UBE2V1: variants seen among roughly 807,000 people sequenced by gnomAD.
UBE2V1 encodes ubiquitin conjugating enzyme E2 V1.
Under a neutral mutation model 19.6 loss-of-function variants are expected in UBE2V1, and 15 were observed. The observed-to-expected ratio is 0.77, with a 90% CI of 0.51 to 1.18. UBE2V1 has a LOEUF of 1.18. Ranked by LOEUF, UBE2V1 falls within the 50% of genes most tolerant of loss-of-function variation. The pLI is 0.00. For synonymous variants in UBE2V1, 60 were observed against 60.7 expected (o/e 0.99, Z 0.05); for missense variants, 125 against 184.8 (o/e 0.68, Z 1.88).
upstream of UBE2V1, chr20:50,115,651 C>G (rs1182888811): frequency 8.3e-6 from 11 of 1,319,654 alleles, no homozygotes; most frequent in South Asian, 1.2e-4. Context: ...TCCTAAAACC[C>G]CTTGGGCACA....
chr20:50,101,977 T>C (rs759964730), intron 1 of UBE2V1, among the ~76,000 whole-genome samples: 1 of 152,176 alleles, frequency 6.6e-6, no homozygotes, highest in Non-Finnish European at 1.5e-5. Flanking sequence ...TACTGGACTT[T>C]ACCTTAAGGG....
At chr20:50,084,415 C>T (rs745353671) in intron 2 of UBE2V1, 161 bp from the exon 3 acceptor site, 4 of 1,267,954 alleles carry the variant, frequency 3.2e-6, no homozygotes, top group Non-Finnish European at 4.5e-6. Flanking sequence ...TATACTAGTT[C>T]CTACACTAGT....
intron 2 of UBE2V1, among the ~76,000 whole-genome samples, chr20:50,085,246 T>G (rs1330197951): frequency 6.6e-6 from 1 of 152,048 alleles, no homozygotes; most frequent in Non-Finnish European, 1.5e-5. Flanking sequence ...CACTGAAAAG[T>G]CCAACCCCCT....
At chr20:50,089,059 C>T (rs373176818) in intron 2 of UBE2V1, among the ~76,000 whole-genome samples, 100 of 152,238 alleles carry the variant, frequency 6.6e-4, no homozygotes, top group African/African-American at 2.2e-3. Context: ...AGACTCCACA[C>T]TAGGTTTTAT....
At chr20:50,099,813 C>T (rs2147113784) in intron 1 of UBE2V1, among the ~76,000 whole-genome samples, 1 of 152,300 alleles carries the variant, frequency 6.6e-6, no homozygotes, top group South Asian at 2.1e-4. Context: ...GTTACTAAAA[C>T]TTGGTCAGCT....
chr20:50,083,107 T>C (rs1469265255), intron 3 of UBE2V1, among the ~76,000 whole-genome samples, 193 bp from the exon 4 acceptor site: 1 of 152,240 alleles, frequency 6.6e-6, no homozygotes, highest in African/African-American at 2.4e-5. Flanking sequence ...CTTTCCCTTT[T>C]GTGCCCTGAA....
chr20:50,084,829 T>C (rs1274798694), intron 2 of UBE2V1: 6 of 230,910 alleles, frequency 2.6e-5, no homozygotes, highest in Middle Eastern at 4.8e-4. Flanking sequence ...TTTTTTTTTT[T>C]GGTAGTCTGA....
intron 1 of UBE2V1, among the ~76,000 whole-genome samples, chr20:50,109,600 T>G (rs2147203666): frequency 6.6e-6 from 1 of 151,914 alleles, no homozygotes; most frequent in South Asian, 2.1e-4. Context: ...AATACAAAAA[T>G]TAGCCAGGCG....
chr20:50,105,541 T>TTA (rs1378853882), intron 1 of UBE2V1, among the ~76,000 whole-genome samples: 1 of 152,236 alleles, frequency 6.6e-6, no homozygotes, highest in African/African-American at 2.4e-5. Flanking sequence ...CTCTAGCACT[T>TTA]TAATCAATTG....
intron 2 of UBE2V1, among the ~76,000 whole-genome samples, chr20:50,089,489 GCT>G (rs1264394715): frequency 1.3e-5 from 2 of 152,318 alleles, no homozygotes; most frequent in African/African-American, 4.8e-5. Flanking sequence ...TGCCTTTCAG[GCT>G]CTCTCTTGTG....
intron 1 of UBE2V1, among the ~76,000 whole-genome samples, chr20:50,108,611 C>A (rs913418903): frequency 1.3e-5 from 2 of 152,158 alleles, no homozygotes; most frequent in South Asian, 4.1e-4. Flanking sequence ...GCTGTTGTGA[C>A]AAGTGAGATA....
At chr20:50,106,876 A>ACAAC (rs200944589) in intron 1 of UBE2V1, among the ~76,000 whole-genome samples, 1,664 of 123,078 alleles carry the variant, frequency 0.014, 18 homozygotes, top group Non-Finnish European at 0.018. Context: ...AACAACAACA[A>ACAAC]AAAAAAAAAA....
At chr20:50,106,871 CAACAAAAAA>C (rs933014684) in intron 1 of UBE2V1, among the ~76,000 whole-genome samples, 8 of 84,776 alleles carry the variant, frequency 9.4e-5, no homozygotes, top group South Asian at 3.5e-4. Context: ...ACAACAACAA[CAACAAAAAA>C]AAAAAAACAA....
rs1730281371 is a variant in UBE2V1 at position 50,081,924 on chromosome 20, T to G, written c.*844A>C. The G allele has an allele frequency of 3.9e-6, 1 of 255,844 alleles. No homozygotes were observed. Among genetic ancestry groups the G allele is most frequent in the Admixed American group, 5.4e-5 (1 of 18,460 alleles). 15.8% of individuals were successfully genotyped at this position (255,844 alleles called of 1,614,324 possible). A position where few individuals can be genotyped will look rare whatever the true frequency, so the allele number is the denominator to read the frequency against. On this transcript the variant is annotated 3_prime_UTR_variant, in exon 4 of 4. Coordinates refer to ENST00000371674, the MANE Select transcript of UBE2V1 (RefSeq NM_001032288.3). The stretch of plus-strand genomic sequence containing the variant: ...ATTTCCCAGGCTGGTGGAGAGTGAG[T>G]GAGTATGGTTCCAAAACTAAACAAG...
chr20:50,100,937 G>C (rs1421344425), intron 1 of UBE2V1, among the ~76,000 whole-genome samples: 1 of 152,152 alleles, frequency 6.6e-6, no homozygotes, highest in Non-Finnish European at 1.5e-5. Context: ...ATAATTTTCT[G>C]ATATTTAATT....
At chr20:50,112,218 ATTTCAGGGGCTTC>A in intron 1 of UBE2V1, among the ~76,000 whole-genome samples, 1 of 152,188 alleles carries the variant, frequency 6.6e-6, no homozygotes, top group South Asian at 2.1e-4. Flanking sequence ...CCACTCCCTC[ATTTCAGGGGCTTC>A]CCTCAGTTGA....
At chr20:50,083,532 C>T (rs1268935983) in intron 3 of UBE2V1, among the ~76,000 whole-genome samples, 3 of 152,226 alleles carry the variant, frequency 2.0e-5, no homozygotes, top group South Asian at 2.1e-4. Context: ...GAAGGCTTGG[C>T]GTGACGTTAA....
intron 1 of UBE2V1, 105 bp downstream of exon 1, chr20:50,113,002 G>C: frequency 2.1e-6 from 1 of 469,340 alleles, no homozygotes. Flanking sequence ...AGCAGACAGA[G>C]GCGGCGCGGG....
chr20:50,092,788 G>A (rs758050850), intron 2 of UBE2V1, among the ~76,000 whole-genome samples: 5 of 152,138 alleles, frequency 3.3e-5, no homozygotes, highest in Non-Finnish European at 7.3e-5. Flanking sequence ...TATTCAAACA[G>A]CACACACATA....
Sources: allele counts gnomAD v4.1 joint callset (sites outside exome capture counted in the v4.1 genomes callset), GRCh38; gene constraint gnomAD v4.1.1; transcripts MANE v1.5; gene names NCBI Gene and HGNC (gene_info 2026-07-23, HGNC 2026-07-21).